Variants in TSNARE1 observed in about 807,000 individuals in gnomAD.
The protein encoded by TSNARE1 is t-SNARE domain containing 1, also known as t-SNARE domain-containing protein 1.
In TSNARE1, 49 loss-of-function variants were observed where a neutral mutation model predicts 62.0. That is an observed-to-expected ratio of 0.79 (90% CI 0.63 to 1.00). The LOEUF (loss-of-function observed/expected upper bound fraction) is 1.00, where lower values mean the gene tolerates loss of function less well. Among genes scored for constraint, TSNARE1 ranks in the 50% least tolerant of loss-of-function variants. The pLI is 0.00. For missense variants in TSNARE1, 755 were observed against 700.1 expected (o/e 1.08, Z -0.88); for synonymous variants, 328 against 294.4 (o/e 1.11, Z -1.17).
chr8:142,386,348 G>A (rs534577499), intron 1 of TSNARE1, among the ~76,000 whole-genome samples: 48 of 152,164 alleles, frequency 3.2e-4, no homozygotes, highest in Middle Eastern at 3.4e-3. Flanking sequence ...AATTACATAA[G>A]ATACTATAAT....
intron 8 of TSNARE1, among the ~76,000 whole-genome samples, chr8:142,314,721 A>C (rs532534048): frequency 6.6e-6 from 1 of 152,316 alleles, no homozygotes; most frequent in South Asian, 2.1e-4. Flanking sequence ...TCTGGGCCCC[A>C]GTTTCCTCAC....
At chr8:142,217,862 C>T (rs80240159) in intron 13 of TSNARE1, among the ~76,000 whole-genome samples, 13,938 of 78,436 alleles carry the variant, frequency 0.18, 1,322 homozygotes, top group African/African-American at 0.25. Context: ...AGGATCAGGG[C>T]TCAGTGTGTG....
At position 142,334,697 on chromosome 8, in the gene TSNARE1, C is replaced by T. The variant is rs1300770492; in HGVS notation, c.746-2866G>A. The stretch of plus-strand genomic sequence containing the variant: ...TGATAAAGAAACCTGAAAAGTGGCC[C>T]GGAGAAAAAACTGCACATTTCATGA... On this transcript the variant is annotated intron_variant, in intron 4 of 13. Transcript: ENST00000524325. Among the ~76,000 whole-genome samples, 6 of 151,938 alleles carry T rather than the reference C, an allele frequency of 3.9e-5. No homozygotes were observed. The East Asian group carries it at 7.7e-4, about 20-fold the overall frequency.
At chr8:142,241,874 C>T (rs965981532) in intron 12 of TSNARE1, among the ~76,000 whole-genome samples, 1 of 151,424 alleles carries the variant, frequency 6.6e-6, no homozygotes, top group Non-Finnish European at 1.5e-5. Flanking sequence ...GGAAGACCGA[C>T]ATGTGAGACC....
Position 142,291,695 on chromosome 8 carries a change from G to A in TSNARE1, c.1291-7210C>T, listed in dbSNP as rs1470263119. ...CGAGTGGCGAGAGATGAATCCTAAC[G>A]AGAACCCAACAGTGTGTGGGGGGCG... On this transcript the variant is annotated intron_variant, in intron 10 of 13. Coordinates refer to ENST00000524325, the MANE Select transcript of TSNARE1 (RefSeq NM_145003.5). This position sits in a 1 kb window ranked among gnomAD's most constrained non-coding sequence, Gnocchi z 4.8. Among the ~76,000 whole-genome samples the A allele has an allele frequency of 3.9e-5, 6 of 152,318 alleles. No individual in the cohort carries two copies. The highest frequency in any genetic ancestry group is 2.1e-4 in the South Asian group (1 of 4,826).
At chr8:142,314,625 A>C (rs1828232408) in intron 8 of TSNARE1, among the ~76,000 whole-genome samples, 185 bp from the exon 9 acceptor site, 1 of 151,038 alleles carries the variant, frequency 6.6e-6, no homozygotes, top group South Asian at 2.1e-4. Flanking sequence ...GCCTCTGTCC[A>C]TGCCACTCCC....
At chr8:142,254,582 C>A (rs956270379) in intron 12 of TSNARE1, among the ~76,000 whole-genome samples, 22 of 152,172 alleles carry the variant, frequency 1.4e-4, no homozygotes, top group African/African-American at 5.3e-4. Context: ...TGGCTCATCC[C>A]CCTCCCTCCA....
chr8:142,232,586 A>G (rs1817173411), intron 12 of TSNARE1, among the ~76,000 whole-genome samples: 1 of 152,224 alleles, frequency 6.6e-6, no homozygotes, highest in African/African-American at 2.4e-5. Context: ...AGCCCGAGGG[A>G]GCACCTGCGG....
intron 7 of TSNARE1, among the ~76,000 whole-genome samples, chr8:142,317,432 A>C (rs766293847): frequency 4.0e-5 from 6 of 148,976 alleles, no homozygotes; most frequent in Non-Finnish European, 9.0e-5. Flanking sequence ...CACTGTACAC[A>C]TCAAGCGGGT....
At chr8:142,225,231 C>T (rs983026792) in intron 13 of TSNARE1, among the ~76,000 whole-genome samples, 15 of 151,696 alleles carry the variant, frequency 9.9e-5, no homozygotes, top group African/African-American at 3.6e-4. Flanking sequence ...GCTTCGCCTG[C>T]CCTTGGAATA....
At chr8:142,305,190 G>A (rs190997957) in intron 9 of TSNARE1, among the ~76,000 whole-genome samples, 1 of 152,324 alleles carries the variant, frequency 6.6e-6, no homozygotes, top group East Asian at 1.9e-4. Flanking sequence ...TCTGTGCGAT[G>A]TTCCCTGGAC....
chr8:142,222,278 C>CCACT lies in TSNARE1; in HGVS notation c.*11+7191_*11+7194dup, dbSNP rs1307073647. On this transcript the variant is annotated intron_variant, in intron 13 of 13. Transcript: ENST00000524325. The stretch of plus-strand genomic sequence containing the variant: ...TCCACTCATCCACTCACTCACTCAT[C>CCACT]CACTCATTCACTCTCACTCATTCAC... 2.8e-3 allele frequency among the ~76,000 whole-genome samples: 62 copies of CCACT among 21,892 alleles called. 21 individuals are homozygous for CCACT. The highest frequency in any genetic ancestry group is 3.9e-3 in the African/African-American group (29 of 7,392). 14.4% of individuals were successfully genotyped at this position (21,892 alleles called of 152,430 possible).
intron 6 of TSNARE1, among the ~76,000 whole-genome samples, chr8:142,329,244 C>T (rs751550455): frequency 4.6e-5 from 7 of 152,216 alleles, no homozygotes; most frequent in East Asian, 1.9e-4. Context: ...AGCACTAAGG[C>T]GAGTTTCCAG....
At chr8:142,215,134 C>A (rs1001338580) in intron 13 of TSNARE1, among the ~76,000 whole-genome samples, 1 of 152,204 alleles carries the variant, frequency 6.6e-6, no homozygotes, top group African/African-American at 2.4e-5. Flanking sequence ...AGGGCCCGCA[C>A]GGACACCATG....
intron 6 of TSNARE1, among the ~76,000 whole-genome samples, chr8:142,330,520 T>C (rs1423963294): frequency 7.2e-5 from 11 of 152,224 alleles, no homozygotes; most frequent in Admixed American, 6.5e-5. Context: ...CCTGTGTCCA[T>C]AGCTGAGCAG....
intron 1 of TSNARE1, among the ~76,000 whole-genome samples, chr8:142,398,487 C>T (rs1358698739): frequency 6.6e-6 from 1 of 152,110 alleles, no homozygotes; most frequent in African/African-American, 2.4e-5. Flanking sequence ...CTCCTCACTC[C>T]ACCGCCTCAA....
chr8:142,389,575 C>A (rs922186641), intron 1 of TSNARE1, among the ~76,000 whole-genome samples: 1 of 152,154 alleles, frequency 6.6e-6, no homozygotes, highest in African/African-American at 2.4e-5. Flanking sequence ...AAATGTCCAG[C>A]CCCAAAGGCC....
chr8:142,346,063 C>A (rs1833331367), intron 2 of TSNARE1, among the ~76,000 whole-genome samples, 171 bp from the exon 3 acceptor site: 1 of 152,192 alleles, frequency 6.6e-6, no homozygotes, highest in Non-Finnish European at 1.5e-5. Context: ...CCCCCTTCTG[C>A]TGAATGCCAG....
chr8:142,301,094 C>G (rs536047484), intron 9 of TSNARE1, among the ~76,000 whole-genome samples: 177 of 151,820 alleles, frequency 1.2e-3, no homozygotes, highest in Non-Finnish European at 1.7e-3. Flanking sequence ...CAGTGCCCCC[C>G]ACCTTCCCTG....
Sources: gnomAD v4.1 joint callset for allele counts (sites outside exome capture counted in the v4.1 genomes callset) on GRCh38, gnomAD v4.1.1 for gene constraint, Gnocchi (gnomAD v3.1) non-coding constraint, MANE v1.5 for transcripts, NCBI Gene and HGNC (gene_info 2026-07-23, HGNC 2026-07-21) for gene names.